Variants in NEDD4 observed in about 807,000 individuals in gnomAD.
NEDD4 encodes the protein NEDD4 E3 ubiquitin protein ligase.
A neutral mutation model predicts 144.9 loss-of-function variants in NEDD4; 99 were observed. The ratio of observed to expected loss-of-function variants is 0.68; its 90% confidence interval spans 0.58 to 0.81. NEDD4 has a LOEUF of 0.81. NEDD4 is among the 30% of genes least tolerant of loss of function. The probability of loss-of-function intolerance (pLI) is 0.00; values close to 1 mark genes in which losing one functional copy is unlikely to be tolerated. For synonymous variants in NEDD4, 318 were observed against 350.6 expected, an observed-to-expected ratio of 0.91 and a Z score of 1.04; for missense variants, 985 against 1,065.9, an observed-to-expected ratio of 0.92 and a Z score of 1.06.
At chr15:55,864,409 C>T (rs890485091) in intron 8 of NEDD4, among the ~76,000 whole-genome samples, 2 of 151,664 alleles carry the variant, frequency 1.3e-5, no homozygotes, top group African/African-American at 4.8e-5. Flanking sequence ...AGGCCAGGTG[C>T]GGTGGCTCAG....
intron 2 of NEDD4, among the ~76,000 whole-genome samples, chr15:55,956,008 C>T (rs1420063372): frequency 6.6e-6 from 1 of 151,750 alleles, no homozygotes; most frequent in Non-Finnish European, 1.5e-5. Context: ...TTTGTAGAGA[C>T]AGGGTCTTAT....
At chr15:55,919,012 G>A (rs1251918387) in intron 5 of NEDD4, among the ~76,000 whole-genome samples, 1 of 152,024 alleles carries the variant, frequency 6.6e-6, no homozygotes, top group Non-Finnish European at 1.5e-5. Flanking sequence ...AATAAGAAAA[G>A]CTCCTCTCAT....
At chr15:55,970,980 C>T (rs945896391) in intron 1 of NEDD4, among the ~76,000 whole-genome samples, 3 of 152,224 alleles carry the variant, frequency 2.0e-5, no homozygotes, top group East Asian at 1.9e-4. Flanking sequence ...GACAGAGATA[C>T]GTGAACTCTC....
chr15:55,837,924 A>G, intron 23 of NEDD4, 75 bp from the exon 24 acceptor site: 1 of 1,265,984 alleles, frequency 7.9e-7, no homozygotes, highest in Non-Finnish European at 1.1e-6. Context: ...AGTTAGAAAC[A>G]AAAACTAAAG....
rs1207619919 is a variant in NEDD4 at position 55,829,391 on chromosome 15, G to C, written c.*506C>G. The C allele has an allele frequency of 6.5e-6, 1 of 152,724 alleles. No homozygotes were observed. The highest frequency in any genetic ancestry group is 2.4e-5 in the African/African-American group (1 of 41,448). 9.5% of individuals were successfully genotyped at this position (152,724 alleles called of 1,614,324 possible). A position where few individuals can be genotyped will look rare whatever the true frequency, so the allele number is the denominator to read the frequency against. Reference sequence around the variant, plus strand: ...CAGGTCTACAAAATAATAAATAGCTGCGAGTAGCACTAAATATATTGTAGT... The same window carrying C: ...CAGGTCTACAAAATAATAAATAGCTCCGAGTAGCACTAAATATATTGTAGT... On this transcript the variant is annotated 3_prime_UTR_variant, in exon 29 of 29. Coordinates refer to ENST00000435532, the MANE Select transcript of NEDD4 (RefSeq NM_006154.4).
intron 21 of NEDD4, among the ~76,000 whole-genome samples, chr15:55,840,007 T>A (rs1224171724): frequency 0.073 from 1,165 of 15,992 alleles, 29 homozygotes; most frequent in Non-Finnish European, 0.081. Context: ...AAAATATATA[T>A]ATATATATAT....
chr15:55,988,487 TAAAAAAA>T (rs56688563), intron 1 of NEDD4, among the ~76,000 whole-genome samples: 4 of 101,688 alleles, frequency 3.9e-5, no homozygotes, highest in African/African-American at 1.7e-4. Context: ...AAAAAAAAAT[TAAAAAAA>T]AAAAAAAAAA....
At chr15:55,956,077 G>C in intron 2 of NEDD4, among the ~76,000 whole-genome samples, 1 of 152,080 alleles carries the variant, frequency 6.6e-6, no homozygotes, top group East Asian at 1.9e-4. Flanking sequence ...GCCTCCCAAA[G>C]TGCTGAGATT....
Position 55,869,646 on chromosome 15 carries a change from T to G in NEDD4, c.440A>C (p.Lys147Thr), listed in dbSNP as rs2034704431. ...KSRVKGYLRL[K>T]MTYLPKTSGS... Reference sequence around the variant, plus strand: ...ACTGGTTTTAGGTAAATAAGTCATTTTTAGTCTCAGATAACCTTTAACTCT... The same window carrying G: ...ACTGGTTTTAGGTAAATAAGTCATTGTTAGTCTCAGATAACCTTTAACTCT... Residue 147 changes from lysine (K) to threonine (T), a missense_variant, in exon 8 of 29, where the codon AAA becomes ACA. Lys to Thr is a moderately conservative substitution (Grantham distance 78). Coordinates refer to ENST00000435532, the MANE Select transcript of NEDD4 (RefSeq NM_006154.4). 1 of 1,574,942 alleles carries G rather than the reference T, an allele frequency of 6.3e-7. No individual in the cohort carries two copies. Among genetic ancestry groups the G allele is most frequent in the Admixed American group, 1.8e-5 (1 of 55,132 alleles).
At chr15:55,944,870 G>A (rs1000089927) in intron 4 of NEDD4, among the ~76,000 whole-genome samples, 1 of 152,084 alleles carries the variant, frequency 6.6e-6, no homozygotes, top group Non-Finnish European at 1.5e-5. Context: ...AAGCAAACAG[G>A]GTCTGGAGTG....
At chr15:55,872,917 TAAAA>T (rs201906568) in intron 6 of NEDD4, among the ~76,000 whole-genome samples, 3 of 134,090 alleles carry the variant, frequency 2.2e-5, no homozygotes, top group South Asian at 4.7e-4. Context: ...GCACCCTGTT[TAAAA>T]AAAAAAAAAA....
At position 55,827,915 on chromosome 15, in the gene NEDD4, T is replaced by A. The variant is rs1355495163; in HGVS notation, c.*1982A>T. 1 of 152,190 alleles carries A rather than the reference T, an allele frequency of 6.6e-6. No homozygotes were observed. The highest frequency in any genetic ancestry group is 1.5e-5 in the Non-Finnish European group (1 of 68,026). The allele number at this position is 152,190 out of a possible 1,614,324, so 9.4% of individuals were successfully genotyped here. A position where few individuals can be genotyped will look rare whatever the true frequency, so the allele number is the denominator to read the frequency against. The stretch of plus-strand genomic sequence containing the variant: ...AGTACTTTTTGCTTTCTCATCTGTC[T>A]GGAACTTCTGACAATCTGGCATGAC... On this transcript the variant is annotated 3_prime_UTR_variant, in exon 29 of 29. Transcript: ENST00000435532.
intron 4 of NEDD4, among the ~76,000 whole-genome samples, chr15:55,938,971 ATGG>A (rs2036944182): frequency 6.6e-6 from 1 of 152,058 alleles, no homozygotes; most frequent in Non-Finnish European, 1.5e-5. Flanking sequence ...GTGGTGCGTG[ATGG>A]TGTGCACCTG....
In NEDD4 at chr15:55,993,423, C is replaced by G; in HGVS notation, c.45+88G>C. 2.0e-6 allele frequency: 3 copies of G among 1,500,478 alleles called. No individual in the cohort carries two copies. In the South Asian group the frequency reaches 3.5e-5, roughly 18 times the overall value. 92.9% of individuals were successfully genotyped at this position (1,500,478 alleles called of 1,614,324 possible). ...GAGGAGGGGCTGACAGCAGAGCCTCCGGTCGTGGCCGCCGCCGCTACCTCC... is the reference window on the plus strand; with the variant it reads ...GAGGAGGGGCTGACAGCAGAGCCTCGGGTCGTGGCCGCCGCCGCTACCTCC... On this transcript the variant is annotated intron_variant, in intron 1 of 28. Coordinates refer to ENST00000435532, the MANE Select transcript of NEDD4 (RefSeq NM_006154.4).
rs1197855442 is a variant in NEDD4 at position 55,840,537 on chromosome 15, A to G, written c.1961-20T>C. Reference sequence around the variant, plus strand: ...AAAAACCTTGCAAAAAACCAAATACATTTAGGATGATTACCAAGTGAAAGA... The same window carrying G: ...AAAAACCTTGCAAAAAACCAAATACGTTTAGGATGATTACCAAGTGAAAGA... On this transcript the variant is annotated intron_variant, in intron 20 of 28. Transcript: ENST00000435532. 2.5e-6 allele frequency: 4 copies of G among 1,613,842 alleles called. No homozygotes were observed. The highest frequency in any genetic ancestry group is 4.5e-5 in the East Asian group (2 of 44,836).
Sources: gnomAD v4.1 joint callset for allele counts (sites outside exome capture counted in the v4.1 genomes callset) on GRCh38, gnomAD v4.1.1 for gene constraint, MANE v1.5 for transcripts, NCBI Gene and HGNC (gene_info 2026-07-23, HGNC 2026-07-21) for gene names.